The following CHRNA4 variants were observed in gnomAD, a reference collection of about 807,000 sequenced individuals.
CHRNA4 encodes neuronal acetylcholine receptor subunit alpha-4.
CHRNA4 carries 28 observed loss-of-function variants against 48.9 expected under a neutral mutation model. The ratio of observed to expected loss-of-function variants is 0.57; its 90% CI spans 0.42 to 0.79. The LOEUF is 0.79. Ranked by LOEUF, CHRNA4 falls within the 30% of genes least tolerant of loss-of-function variation. The probability of loss-of-function intolerance (pLI) is 0.00; values close to 1 mark genes in which losing one functional copy is unlikely to be tolerated. For synonymous variants in CHRNA4, 425 were observed against 402.3 expected, an observed-to-expected ratio of 1.06 and a Z score of -0.68; for missense variants, 859 against 898.4, an observed-to-expected ratio of 0.96 and a Z score of 0.56.
chr20:63,356,560 C>T lies in CHRNA4; in HGVS notation c.229-145G>A, dbSNP rs926983020. On this transcript the variant is annotated intron_variant, in intron 2 of 5. Coordinates refer to ENST00000370263, the MANE Select transcript of CHRNA4 (RefSeq NM_000744.7). The stretch of plus-strand genomic sequence containing the variant: ...CGACCTGTGGAGGGGGTGAGTGCCC[C>T]GTCCCTGGAGGCAGCCGAGCCCAGG... 125 of 847,038 alleles carry T rather than the reference C, an allele frequency of 1.5e-4. No homozygotes were observed. In the Admixed American group the frequency reaches 2.1e-3, roughly 14 times the overall value. The allele number at this position is 847,038 out of a possible 1,614,324, so 52.5% of individuals were successfully genotyped here.
At position 63,359,703 on chromosome 20, in the gene CHRNA4, C is replaced by T. The variant is rs201123897; in HGVS notation, c.77-4G>A. 3.0e-4 allele frequency: 482 copies of T among 1,610,160 alleles called. 5 individuals carry two copies. In the African/African-American group the frequency reaches 5.3e-3, roughly 18 times the overall value. The stretch of plus-strand genomic sequence containing the variant: ...CGGGTCTCCACATGGCTGCTGGCTG[C>T]GGGGAGAGGCAGGCCAGTGGCTCAG... On this transcript the variant is annotated splice_polypyrimidine_tract_variant and splice_region_variant and intron_variant, in intron 1 of 5. Transcript: ENST00000370263.
rs200660084 is a variant in CHRNA4 at position 63,344,308 on chromosome 20, C to T, written c.*2430G>A. On this transcript the variant is annotated 3_prime_UTR_variant, in exon 6 of 6. Coordinates refer to ENST00000370263, the MANE Select transcript of CHRNA4 (RefSeq NM_000744.7). This position sits in a 1 kb window ranked among gnomAD's most constrained non-coding sequence, Gnocchi z 4.5. ...CAGAGCCACAGATGGGGAGGGACGCCGACAGGAAGGGCTGGAGGGACCTTC... is the reference window on the plus strand; with the variant it reads ...CAGAGCCACAGATGGGGAGGGACGCTGACAGGAAGGGCTGGAGGGACCTTC... 9.1e-4 allele frequency: 415 copies of T among 453,916 alleles called. 6 individuals carry two copies. Among genetic ancestry groups the T allele is most frequent in the Middle Eastern group, 6.9e-3 (10 of 1,444 alleles). 28.1% of individuals were successfully genotyped at this position (453,916 alleles called of 1,614,324 possible).
intron 5 of CHRNA4, among the ~76,000 whole-genome samples, chr20:63,348,471 T>C (rs903918022): frequency 6.6e-6 from 1 of 152,216 alleles, no homozygotes; most frequent in Non-Finnish European, 1.5e-5. Context: ...TTCATGGGTA[T>C]GGAGCACGGG....
intron 2 of CHRNA4, chr20:63,359,326 G>C (rs1015297985): frequency 9.5e-6 from 6 of 632,422 alleles, no homozygotes; most frequent in African/African-American, 1.8e-5. Context: ...CCACGTCAAG[G>C]GGGAGGAAAG....
Position 63,349,829 on chromosome 20 carries a change from G to A in CHRNA4, c.1582C>T (p.Pro528Ser), listed in dbSNP as rs1353802225. 1.3e-6 allele frequency: 2 copies of A among 1,599,290 alleles called. No homozygotes were observed. Among genetic ancestry groups the A allele is most frequent in the Non-Finnish European group, 1.7e-6 (2 of 1,169,918 alleles). The change falls in exon 5 of 6, where the codon CCG becomes TCG. Residue 528 changes from proline (P) to serine (S), a missense_variant. Physicochemically the swap from Pro to Ser is moderately conservative, Grantham distance 74. Around this residue, in one of 3 missense-constraint regions of CHRNA4, gnomAD observed 478 missense variants for 455.4 expected, o/e 1.05. Coordinates refer to ENST00000370263, the MANE Select transcript of CHRNA4 (RefSeq NM_000744.7). ...TCCTTCTTGCATGTGCATTTGCACG[G>A]AGAGGGCTGGTCTGGGGGTGGGAGC... ...AELPPPDQPS[P>S]CKCTCKKEPS...
intron 5 of CHRNA4, among the ~76,000 whole-genome samples, chr20:63,348,841 AGC>A (rs2068536780): frequency 6.6e-6 from 1 of 151,292 alleles, no homozygotes; most frequent in South Asian, 2.1e-4. Context: ...GAAACAGGGA[AGC>A]TACCTGGTGC....
intron 4 of CHRNA4, chr20:63,354,470 G>T: frequency 3.5e-6 from 1 of 286,102 alleles, no homozygotes; most frequent in Non-Finnish European, 5.2e-6. Context: ...TGTGGTCCTG[G>T]GGGCCTGTGG....
chr20:63,344,010 A>T lies in CHRNA4; in HGVS notation c.*2728T>A, dbSNP rs1244813136. On this transcript the variant is annotated 3_prime_UTR_variant, in exon 6 of 6. Coordinates refer to ENST00000370263, the MANE Select transcript of CHRNA4 (RefSeq NM_000744.7). This position sits in a 1 kb window ranked among gnomAD's most constrained non-coding sequence, Gnocchi z 4.5. ...ATGCATAACGGATAGAGTGCCATGCACACACCGGCACCTCCATTCCTAATC... is the reference window on the plus strand; with the variant it reads ...ATGCATAACGGATAGAGTGCCATGCTCACACCGGCACCTCCATTCCTAATC... 2.2e-6 allele frequency: 1 copy of T among 454,152 alleles called. No individual in the cohort carries two copies. The highest frequency in any genetic ancestry group is 1.6e-5 in the South Asian group (1 of 64,482). 28.1% of individuals were successfully genotyped at this position (454,152 alleles called of 1,614,324 possible).
chr20:63,355,813 G>T, intron 4 of CHRNA4, 162 bp downstream of exon 4: 1 of 1,064,840 alleles, frequency 9.4e-7, no homozygotes, highest in Non-Finnish European at 1.4e-6. Flanking sequence ...CATTGCTCCT[G>T]CTTCTTCCTT....
chr20:63,353,450 GGGGGCTGTGGTCCTA>G (rs2068646062), intron 4 of CHRNA4, among the ~76,000 whole-genome samples: 2 of 144,770 alleles, frequency 1.4e-5, no homozygotes, highest in Non-Finnish European at 3.0e-5. Flanking sequence ...TGTGGTCCTA[GGGGGCTGTGGTCCTA>G]GGGGGGCTGT....
At position 63,344,326 on chromosome 20, in the gene CHRNA4, G is replaced by A. The variant is rs1009499235; in HGVS notation, c.*2412C>T. 5 of 453,880 alleles carry A rather than the reference G, an allele frequency of 1.1e-5. No homozygotes were observed. In the East Asian group the frequency reaches 3.5e-4, roughly 32 times the overall value. 28.1% of individuals were successfully genotyped at this position (453,880 alleles called of 1,614,324 possible). A position where few individuals can be genotyped will look rare whatever the true frequency, so the allele number is the denominator to read the frequency against. On this transcript the variant is annotated 3_prime_UTR_variant, in exon 6 of 6. Transcript: ENST00000370263. This position sits in a 1 kb window ranked among gnomAD's most constrained non-coding sequence, Gnocchi z 4.5. ...GGGACGCCGACAGGAAGGGCTGGAG[G>A]GACCTTCTAGGGGCTGGGTCTCCAC... is the stretch of plus-strand genomic sequence containing the variant.
intron 1 of CHRNA4, chr20:63,359,926 TG>T: frequency 2.3e-6 from 1 of 435,762 alleles, no homozygotes; most frequent in Non-Finnish European, 4.1e-6. Flanking sequence ...TGTGTGTGTG[TG>T]TGCCGGGCGT....
chr20:63,358,830 C>T (rs3787142), intron 2 of CHRNA4, among the ~76,000 whole-genome samples: 14,455 of 152,182 alleles, frequency 0.095, 729 homozygotes, highest in Middle Eastern at 0.19. Flanking sequence ...CCAGGGCCGC[C>T]GAGACCCCCA....
At chr20:63,351,291 G>A (rs565600466) in intron 4 of CHRNA4, among the ~76,000 whole-genome samples, 1 of 109,460 alleles carries the variant, frequency 9.1e-6, no homozygotes, top group African/African-American at 2.9e-5. Flanking sequence ...CGTCACAGGA[G>A]CACAAAAGGG....
Position 63,356,358 on chromosome 20 carries a change from C to T in CHRNA4, c.273+13G>A, listed in dbSNP as rs1016874156. 4 of 1,580,770 alleles carry T rather than the reference C, an allele frequency of 2.5e-6. No individual in the cohort carries two copies. The African/African-American group carries it at 5.4e-5, about 21-fold the overall frequency. On this transcript the variant is annotated intron_variant, in intron 3 of 5. Coordinates refer to ENST00000370263, the MANE Select transcript of CHRNA4 (RefSeq NM_000744.7). ...AGGGCAGGGGTGGGGCAGGGCAGTG[C>T]CCTCCCACTCACCTGCTTCACCCAT...
At chr20:63,354,939 G>A (rs567406239) in intron 4 of CHRNA4, among the ~76,000 whole-genome samples, 256 of 152,272 alleles carry the variant, frequency 1.7e-3, no homozygotes, top group African/African-American at 5.6e-3. Context: ...TCCCACTGCC[G>A]GAGGCCCTTC....
chr20:63,359,357 C>T (rs1396329661), intron 2 of CHRNA4, 191 bp downstream of exon 2: 9 of 726,700 alleles, frequency 1.2e-5, no homozygotes, highest in Non-Finnish European at 2.1e-5. Context: ...GGCTGGGACG[C>T]TCTGAATCAA....
At chr20:63,355,252 G>T in intron 4 of CHRNA4, 1 of 347,868 alleles carries the variant, frequency 2.9e-6, no homozygotes, top group Non-Finnish European at 5.7e-6. Flanking sequence ...GAGGACAGCA[G>T]CCTCCGGAGG....
At position 63,346,073 on chromosome 20, in the gene CHRNA4, C is replaced by T. The variant is rs200106603; in HGVS notation, c.*665G>A. ...CGTGGGCCTCCCGATTCTCCCCACG[C>T]GGAACCAGCTCCACAAAACTCTGTT... On this transcript the variant is annotated 3_prime_UTR_variant, in exon 6 of 6. Coordinates refer to ENST00000370263, the MANE Select transcript of CHRNA4 (RefSeq NM_000744.7). 1.1e-4 allele frequency: 48 copies of T among 454,034 alleles called. No individual in the cohort carries two copies. The highest frequency in any genetic ancestry group is 5.0e-4 in the South Asian group (32 of 64,470). 28.1% of individuals were successfully genotyped at this position (454,034 alleles called of 1,614,324 possible). A position where few individuals can be genotyped will look rare whatever the true frequency, so the allele number is the denominator to read the frequency against.
Sources: gnomAD v4.1 joint callset for allele counts (sites outside exome capture counted in the v4.1 genomes callset) on GRCh38, gnomAD v4.1.1 for gene constraint, gnomAD v4.1.1 regional missense constraint, Gnocchi (gnomAD v3.1) non-coding constraint, MANE v1.5 for transcripts, NCBI Gene and HGNC (gene_info 2026-07-23, HGNC 2026-07-21) for gene names.